Variants in VPS9D1 observed in about 807,000 individuals in gnomAD.
VPS9D1 encodes VPS9 domain-containing protein 1.
Under a neutral mutation model 75.8 loss-of-function variants are expected in VPS9D1, and 78 were observed. That is an observed-to-expected ratio of 1.03 (90% confidence interval 0.86 to 1.24). VPS9D1 has a LOEUF of 1.24. VPS9D1 is among the 50% of genes most tolerant of loss of function. The probability of loss-of-function intolerance (pLI) is 0.00; values close to 1 mark genes in which losing one functional copy is unlikely to be tolerated. For missense variants in VPS9D1, 1,057 were observed against 847.7 expected (o/e 1.25, Z -3.07); for synonymous variants, 481 against 385.6 (o/e 1.25, Z -2.90).
At position 89,711,410 on chromosome 16, in the gene VPS9D1, G is replaced by A. The variant is rs2060916211; in HGVS notation, c.750C>T (p.Asp250=). ...GCTTGGCCTTCCAGTGCTTCGGCCA[G>A]TCCTACGGGACAGGGGGCCTTGAAG... ...AAILEYEQDH[D]WPKHWKAKLK... is the part of the protein sequence containing the mutation. The change falls in exon 9 of 15, where the codon GAC becomes GAT. Residue 250 remains aspartate, a splice_region_variant and synonymous_variant. Transcript: ENST00000389386. 5 of 1,605,732 alleles carry A rather than the reference G, an allele frequency of 3.1e-6. No homozygotes were observed. The highest frequency in any genetic ancestry group is 1.3e-5 in the African/African-American group (1 of 74,884).
Position 89,716,452 on chromosome 16 carries a change from T to A in VPS9D1, c.431+10A>T. ...CAGGCTCATCCCACCTCCCATCTTG[T>A]CCATCTTACTTCTTACAGCTTTGTG... On this transcript the variant is annotated intron_variant, in intron 4 of 14. Transcript: ENST00000389386. 2.5e-6 allele frequency: 4 copies of A among 1,613,806 alleles called. No homozygotes were observed. Among genetic ancestry groups the A allele is most frequent in the Admixed American group, 1.7e-5 (1 of 59,974 alleles).
chr16:89,714,160 A>C (rs1014547767), intron 4 of VPS9D1, among the ~76,000 whole-genome samples: 3 of 151,620 alleles, frequency 2.0e-5, no homozygotes, highest in Non-Finnish European at 4.4e-5. Context: ...CTGATCTCGA[A>C]CTCCTGACCT....
Position 89,710,921 on chromosome 16 carries a change from G to A in VPS9D1, c.923C>T (p.Ala308Val), listed in dbSNP as rs542489413. Residue 308 changes from alanine (A) to valine (V), a missense_variant, in exon 10 of 15, where the codon GCG becomes GTG. Transcript: ENST00000389386. The stretch of plus-strand genomic sequence containing the variant: ...CGGGGGGCAGCAGCCTGGGGCTGGC[G>A]CGGCTGCTCTGCTCACGGCGGGATA... ...ALYPAVSRAA[A>V]PAPGCCPPTP... The A allele has an allele frequency of 9.1e-5, 135 of 1,487,784 alleles. No individual in the cohort carries two copies. The South Asian group carries it at 1.7e-3, about 18-fold the overall frequency. The allele number at this position is 1,487,784 out of a possible 1,614,324, so 92.2% of individuals were successfully genotyped here. A position where few individuals can be genotyped will look rare whatever the true frequency, so the allele number is the denominator to read the frequency against.
chr16:89,711,305 T>C (rs1180675399), intron 9 of VPS9D1, 22 bp downstream of exon 9: 2 of 1,592,816 alleles, frequency 1.3e-6, no homozygotes, highest in African/African-American at 2.7e-5. Flanking sequence ...AGGGGCTCTG[T>C]GGGGCCTGAA....
chr16:89,719,741 CAG>C (rs1331571825), intron 1 of VPS9D1, among the ~76,000 whole-genome samples: 2 of 152,120 alleles, frequency 1.3e-5, no homozygotes, highest in African/African-American at 4.8e-5. Flanking sequence ...TTTGTTGAGA[CAG>C]AGTCTCACTC....
At chr16:89,720,704 G>T in intron 1 of VPS9D1, 59 bp downstream of exon 1, 21 of 1,338,320 alleles carry the variant, frequency 1.6e-5, no homozygotes, top group Non-Finnish European at 2.0e-5. Context: ...CCCTCCCCGG[G>T]CGGGGGTCCC....
chr16:89,709,880 C>T lies in VPS9D1; in HGVS notation c.1285G>A (p.Ala429Thr), dbSNP rs765480580. ...VDRLLSLTLL[A>T]FEGLNTAASK... is the part of the protein sequence containing the mutation. ...GCAGCTGTGTTTAGGCCTTCGAAGG[C>T]CAGAAGGGTCAGCGAGAGCAGCCTG... The change falls in exon 11 of 15, where the codon GCC becomes ACC. Residue 429 changes from alanine (A) to threonine (T), a missense_variant. Ala to Thr is a moderately conservative substitution (Grantham distance 58). Coordinates refer to ENST00000389386, the MANE Select transcript of VPS9D1 (RefSeq NM_004913.3). 1 of 1,612,718 alleles carries T rather than the reference C, an allele frequency of 6.2e-7. No homozygotes were observed. The highest frequency in any genetic ancestry group is 2.2e-5 in the East Asian group (1 of 44,882).
chr16:89,717,772 C>T, intron 2 of VPS9D1: 1 of 456,720 alleles, frequency 2.2e-6, no homozygotes, highest in Non-Finnish European at 4.4e-6. Flanking sequence ...TCTTGGAGCG[C>T]CAGAGCTCAG....
chr16:89,708,791 C>G lies in VPS9D1; in HGVS notation c.1697+66G>C, dbSNP rs954972633. ...AGGCTAAGGGGCAGGAAGATAGTCC[C>G]TCCCGTGACCATTGCCTTTCTAGGG... On this transcript the variant is annotated intron_variant, in intron 13 of 14. Transcript: ENST00000389386. 4 of 1,443,478 alleles carry G rather than the reference C, an allele frequency of 2.8e-6. No individual in the cohort carries two copies. In the African/African-American group the frequency reaches 4.3e-5, roughly 16 times the overall value. 89.4% of individuals were successfully genotyped at this position (1,443,478 alleles called of 1,614,324 possible).
Position 89,712,034 on chromosome 16 carries a change from G to A in VPS9D1, c.659+13C>T. 1.3e-6 allele frequency: 2 copies of A among 1,549,188 alleles called. No homozygotes were observed. Among genetic ancestry groups the A allele is most frequent in the Admixed American group, 2.0e-5 (1 of 50,988 alleles). The stretch of plus-strand genomic sequence containing the variant: ...CTCCCCGCAGCGGCCCCAGGGGCGG[G>A]CAGGAGTCCCACCTGTTGGCGGCCT... On this transcript the variant is annotated intron_variant, in intron 7 of 14. Coordinates refer to ENST00000389386, the MANE Select transcript of VPS9D1 (RefSeq NM_004913.3).
intron 4 of VPS9D1, among the ~76,000 whole-genome samples, chr16:89,715,296 A>C (rs1317832413): frequency 6.9e-6 from 1 of 144,832 alleles, no homozygotes; most frequent in East Asian, 2.1e-4. Context: ...GCGCAATCTC[A>C]ACTCACTGCA....
At chr16:89,709,025 G>GGCCCCCCCCCCCCCC in intron 12 of VPS9D1, 69 bp from the exon 13 acceptor site, 1 of 627,190 alleles carries the variant, frequency 1.6e-6, no homozygotes, top group South Asian at 3.0e-5. Context: ...CTTATACCCC[G>GGCCCCCCCCCCCCCC]CCCACCCACC....
chr16:89,707,790 G>T lies in VPS9D1; in HGVS notation c.*71C>A. 7.1e-7 allele frequency: 1 copy of T among 1,413,642 alleles called. No individual in the cohort carries two copies. The highest frequency in any genetic ancestry group is 1.0e-6 in the Non-Finnish European group (1 of 1,004,024). The allele number at this position is 1,413,642 out of a possible 1,614,324, so 87.6% of individuals were successfully genotyped here. ...AGGATGGTCCTCAGTAGATCCCATG[G>T]CTCCAGGTGTAGGAGAGACAGCCCT... is the stretch of plus-strand genomic sequence containing the variant. On this transcript the variant is annotated 3_prime_UTR_variant, in exon 15 of 15. Coordinates refer to ENST00000389386, the MANE Select transcript of VPS9D1 (RefSeq NM_004913.3).
intron 2 of VPS9D1, among the ~76,000 whole-genome samples, chr16:89,718,335 C>G (rs1396578816): frequency 6.6e-6 from 1 of 152,168 alleles, no homozygotes; most frequent in Non-Finnish European, 1.5e-5. Flanking sequence ...TCCTCTCCCT[C>G]AAAGCTCAAA....
At chr16:89,714,473 C>T (rs115268265) in intron 4 of VPS9D1, among the ~76,000 whole-genome samples, 389 of 152,318 alleles carry the variant, frequency 2.6e-3, no homozygotes, top group African/African-American at 8.7e-3. Context: ...TTTGTTCCCT[C>T]GTACCTTCCC....
At chr16:89,714,334 A>C (rs2061011864) in intron 4 of VPS9D1, among the ~76,000 whole-genome samples, 1 of 152,066 alleles carries the variant, frequency 6.6e-6, no homozygotes, top group Non-Finnish European at 1.5e-5. Context: ...CAGGGAAGGC[A>C]AAAGATTGGA....
At position 89,711,975 on chromosome 16, in the gene VPS9D1, G is replaced by A. The variant is rs1227145528; in HGVS notation, c.660-6C>T. ...CGACTTGGCTGCAAAACCTCCTGGG[G>A]AGAAAGGCACGCGGTGGGTGCCGGG... On this transcript the variant is annotated splice_polypyrimidine_tract_variant and splice_region_variant and intron_variant, in intron 7 of 14. Transcript: ENST00000389386. The A allele has an allele frequency of 1.3e-6, 2 of 1,550,722 alleles. No individual in the cohort carries two copies.
chr16:89,709,787 C>A lies in VPS9D1; in HGVS notation c.1378G>T (p.Ala460Ser). ...CAGCTGGGTCCATACCTGTACAGGG[C>A]CAGCAGCAGAGGCCACAGCGGGGAG... ...FFSPLWPLLL[A>S]LYRSVHRARE... The change falls in exon 11 of 15, where the codon GCC becomes TCC. Residue 460 changes from alanine to serine, a missense_variant. Transcript: ENST00000389386. 2 of 1,613,680 alleles carry A rather than the reference C, an allele frequency of 1.2e-6. No individual in the cohort carries two copies. The highest frequency in any genetic ancestry group is 1.7e-6 in the Non-Finnish European group (2 of 1,179,940).
rs774231325 is a variant in VPS9D1, at chr16:89,709,854, G to A, written c.1311C>T (p.Ala437=). The part of the protein sequence containing the change: ...LLAFEGLNTA[A]SKDRCLACIE... ...TGCAGGCCAGGCAGCGGTCCTTGGA[G>A]GCAGCTGTGTTTAGGCCTTCGAAGG... Residue 437 remains alanine, a synonymous_variant, in exon 11 of 15, where the codon GCC becomes GCT. Coordinates refer to ENST00000389386, the MANE Select transcript of VPS9D1 (RefSeq NM_004913.3). The A allele has an allele frequency of 6.8e-6, 11 of 1,613,648 alleles. No individual in the cohort carries two copies. Among genetic ancestry groups the A allele is most frequent in the African/African-American group, 4.0e-5 (3 of 74,928 alleles).
Sources: allele counts gnomAD v4.1 joint callset (sites outside exome capture counted in the v4.1 genomes callset), GRCh38; gene constraint gnomAD v4.1.1; transcripts MANE v1.5; gene names NCBI Gene and HGNC (gene_info 2026-07-23, HGNC 2026-07-21).